The following NXN variants were observed in gnomAD, a reference collection of about 807,000 sequenced individuals.
NXN encodes nucleoredoxin, also known as nucleoredoxin 1.
In NXN, 16 loss-of-function variants were observed where a neutral mutation model predicts 48.6. That is an observed-to-expected ratio of 0.33 (90% CI 0.22 to 0.50). The LOEUF (loss-of-function observed/expected upper bound fraction) is 0.50. Among genes scored for constraint, NXN ranks in the 20% least tolerant of loss-of-function variants. NXN has a pLI of 0.98. For synonymous variants in NXN, 281 were observed against 269.6 expected (o/e 1.04, Z -0.41); for missense variants, 492 against 605.5 (o/e 0.81, Z 1.97).
At chr17:880,693 C>T (rs1485097822) in intron 1 of NXN, among the ~76,000 whole-genome samples, 1 of 152,132 alleles carries the variant, frequency 6.6e-6, no homozygotes, top group African/African-American at 2.4e-5. Flanking sequence ...CAAGGACGTC[C>T]ACTCACAGGG....
intron 1 of NXN, among the ~76,000 whole-genome samples, chr17:858,042 C>T (rs1340830824): frequency 6.6e-6 from 1 of 150,482 alleles, no homozygotes; most frequent in African/African-American, 2.5e-5. Flanking sequence ...GCAATCTTGG[C>T]TCACTGCAGC....
At chr17:926,327 C>T (rs1391718784) in intron 1 of NXN, among the ~76,000 whole-genome samples, 1 of 152,110 alleles carries the variant, frequency 6.6e-6, no homozygotes, top group Non-Finnish European at 1.5e-5. Context: ...GCTAGGACTA[C>T]AGGCATGCAC....
intron 1 of NXN, among the ~76,000 whole-genome samples, chr17:963,289 A>C (rs1300712903): frequency 4.0e-5 from 6 of 151,854 alleles, no homozygotes; most frequent in Non-Finnish European, 7.4e-5. Flanking sequence ...GCCCTTCCAG[A>C]AAATAACAGT....
At chr17:972,899 C>T (rs79305247) in intron 1 of NXN, among the ~76,000 whole-genome samples, 5,087 of 152,040 alleles carry the variant, frequency 0.033, 220 homozygotes, top group African/African-American at 0.095. Flanking sequence ...GGGGTGGTGA[C>T]GGGCCCCTGT....
chr17:882,908 G>C (rs933004649), intron 1 of NXN, among the ~76,000 whole-genome samples: 6 of 151,956 alleles, frequency 3.9e-5, no homozygotes, highest in Non-Finnish European at 8.8e-5. Flanking sequence ...AATTACAGGC[G>C]CCCGCCACCA....
chr17:913,132 A>G (rs2068653150), intron 1 of NXN, among the ~76,000 whole-genome samples: 1 of 152,206 alleles, frequency 6.6e-6, no homozygotes, highest in Non-Finnish European at 1.5e-5. Flanking sequence ...ATAGTCACCA[A>G]TAAAATCTAG....
intron 1 of NXN, among the ~76,000 whole-genome samples, chr17:944,332 T>C (rs2069018521): frequency 1.3e-5 from 2 of 152,244 alleles, no homozygotes; most frequent in Admixed American, 6.5e-5. Flanking sequence ...TTTGTGTTCC[T>C]GTCTCGTCCA....
At chr17:911,597 G>A (rs748163877) in intron 1 of NXN, among the ~76,000 whole-genome samples, 2 of 151,492 alleles carry the variant, frequency 1.3e-5, no homozygotes, top group Non-Finnish European at 2.9e-5. Flanking sequence ...CCAAAGTATT[G>A]GGATTACAGC....
chr17:803,285 G>A (rs975968113), intron 7 of NXN, among the ~76,000 whole-genome samples: 8 of 152,196 alleles, frequency 5.3e-5, no homozygotes, highest in African/African-American at 1.9e-4. Context: ...CCCCAGCCAG[G>A]ATCCCTCTGA....
intron 1 of NXN, among the ~76,000 whole-genome samples, chr17:883,354 C>T (rs1404691276): frequency 1.3e-5 from 2 of 152,044 alleles, no homozygotes; most frequent in African/African-American, 4.8e-5. Context: ...CCCACCCCTG[C>T]CCCCCGCCCA....
chr17:854,074 A>C (rs2067958386), intron 1 of NXN, among the ~76,000 whole-genome samples: 1 of 152,074 alleles, frequency 6.6e-6, no homozygotes, highest in Admixed American at 6.6e-5. Context: ...CCCCCACTGG[A>C]CTACAAAGCT....
rs925793038 is a variant in NXN, at chr17:825,766, G to A, written c.478+195C>T. 1 of 558,134 alleles carries A rather than the reference G, an allele frequency of 1.8e-6. No homozygotes were observed. The highest frequency in any genetic ancestry group is 3.2e-6 in the Non-Finnish European group (1 of 312,992). The allele number at this position is 558,134 out of a possible 1,614,324, so 34.6% of individuals were successfully genotyped here. A position where few individuals can be genotyped will look rare whatever the true frequency, so the allele number is the denominator to read the frequency against. The stretch of plus-strand genomic sequence containing the variant: ...TTAAAGCCCCTAGGAGGGACATTCT[G>A]ATCCCTGTGAAAATCTTAAAACCAT... On this transcript the variant is annotated intron_variant, in intron 2 of 7. Coordinates refer to ENST00000336868, the MANE Select transcript of NXN (RefSeq NM_022463.5). This position sits in a 1 kb window ranked among gnomAD's most constrained non-coding sequence, Gnocchi z 4.1.
chr17:938,033 G>C (rs2068928584), intron 1 of NXN, among the ~76,000 whole-genome samples: 1 of 152,230 alleles, frequency 6.6e-6, no homozygotes, highest in Admixed American at 6.5e-5. Context: ...GAAGGAAGAG[G>C]AATGGCTGCA....
chr17:849,257 GC>G lies in NXN; in HGVS notation c.361-23180del, dbSNP rs1050127942. 2.6e-5 allele frequency among the ~76,000 whole-genome samples: 4 copies of G among 152,196 alleles called. No individual in the cohort carries two copies. The highest frequency in any genetic ancestry group is 9.7e-5 in the African/African-American group (4 of 41,438). ...ACTAAGACCAGAGCTTCCCAGCTGG[GC>G]GCAGTGGCTCACGCCTGTAATCCCA... On this transcript the variant is annotated intron_variant, in intron 1 of 7. Transcript: ENST00000336868. This position sits in a 1 kb window ranked among gnomAD's most constrained non-coding sequence, Gnocchi z 4.2.
rs766023289 is a variant in NXN, at chr17:877,588, G to A, written c.361-51510C>T. 4.0e-4 allele frequency among the ~76,000 whole-genome samples: 61 copies of A among 152,156 alleles called. 1 individual carries two copies. The highest frequency in any genetic ancestry group is 4.6e-4 in the Admixed American group (7 of 15,270). ...CTTTATGGAAGGCCCAGCCCCATACGGAAGACGGACGCGTACATAAACTAT... is the reference window on the plus strand; with the variant it reads ...CTTTATGGAAGGCCCAGCCCCATACAGAAGACGGACGCGTACATAAACTAT... On this transcript the variant is annotated intron_variant, in intron 1 of 7. Coordinates refer to ENST00000336868, the MANE Select transcript of NXN (RefSeq NM_022463.5).
rs1287125143 is a variant in NXN at position 917,792 on chromosome 17, C to T, written c.360+61527G>A. On this transcript the variant is annotated intron_variant, in intron 1 of 7. Coordinates refer to ENST00000336868, the MANE Select transcript of NXN (RefSeq NM_022463.5). The surrounding 1 kb of genome is among the most constrained non-coding windows in gnomAD (Gnocchi z 4.5). The stretch of plus-strand genomic sequence containing the variant: ...TGGCTCTCGCTCCCCAGGAAGGCCT[C>T]GCAGAGGTGGGGACAAGGGCGGATG... Among the ~76,000 whole-genome samples, 1 of 152,084 alleles carries T rather than the reference C, an allele frequency of 6.6e-6. No individual in the cohort carries two copies. The highest frequency in any genetic ancestry group is 2.1e-4 in the South Asian group (1 of 4,810).
intron 1 of NXN, among the ~76,000 whole-genome samples, chr17:940,664 C>T (rs150781663): frequency 0.024 from 3,696 of 151,706 alleles, 124 homozygotes; most frequent in African/African-American, 0.084. Context: ...ATCACACCTT[C>T]CTGGATTTAC....
chr17:847,224 C>CTT (rs34367280), intron 1 of NXN, among the ~76,000 whole-genome samples: 408 of 146,494 alleles, frequency 2.8e-3, no homozygotes, highest in African/African-American at 9.8e-3. Flanking sequence ...TTCACAAGGG[C>CTT]TTTTTTTTTT....
At chr17:805,547 C>T (rs1486479259) in intron 5 of NXN, among the ~76,000 whole-genome samples, 3 of 152,176 alleles carry the variant, frequency 2.0e-5, no homozygotes, top group Non-Finnish European at 2.9e-5. Flanking sequence ...TACCTTATTC[C>T]GCTACAGAAA....
Sources: allele counts gnomAD v4.1 joint callset (sites outside exome capture counted in the v4.1 genomes callset), GRCh38; gene constraint gnomAD v4.1.1; non-coding constraint Gnocchi (gnomAD v3.1); transcripts MANE v1.5; gene names NCBI Gene and HGNC (gene_info 2026-07-23, HGNC 2026-07-21).